Variants in NXN observed in about 807,000 individuals in gnomAD.
NXN encodes the protein nucleoredoxin 1.
A neutral mutation model predicts 48.6 loss-of-function variants in NXN; 16 were observed. The ratio of observed to expected loss-of-function variants is 0.33; its 90% CI spans 0.22 to 0.50. The LOEUF (loss-of-function observed/expected upper bound fraction) is 0.50. NXN is among the 20% of genes least tolerant of loss of function. The pLI, the probability that NXN is intolerant of heterozygous loss-of-function variation, is 0.98. For missense variants in NXN, 492 were observed against 605.5 expected (o/e 0.81, Z 1.97); for synonymous variants, 281 against 269.6 (o/e 1.04, Z -0.41).
At chr17:896,024 C>T (rs1263473815) in intron 1 of NXN, among the ~76,000 whole-genome samples, 1 of 151,794 alleles carries the variant, frequency 6.6e-6, no homozygotes, top group African/African-American at 2.4e-5. Context: ...GCCTGGGCAA[C>T]AGAGCAAGAC....
chr17:812,880 G>A (rs4968117), intron 5 of NXN, among the ~76,000 whole-genome samples: 29,372 of 146,604 alleles, frequency 0.2, 3,045 homozygotes, highest in East Asian at 0.31. Flanking sequence ...GGGTGTGTGC[G>A]CACATGTGAA....
At chr17:960,712 G>T (rs1268550355) in intron 1 of NXN, among the ~76,000 whole-genome samples, 1 of 151,712 alleles carries the variant, frequency 6.6e-6, no homozygotes, top group African/African-American at 2.4e-5. Context: ...TCCTGGGCTC[G>T]AGTGATCCTC....
intron 1 of NXN, among the ~76,000 whole-genome samples, chr17:962,022 CTA>C (rs60861205): frequency 0.026 from 3,999 of 152,186 alleles, 242 homozygotes; most frequent in East Asian, 0.26. Context: ...GTAATCCCAG[CTA>C]CTCAGGAGGC....
In NXN at chr17:817,377, G is replaced by A. The variant is rs1191588895; in HGVS notation, c.820+2062C>T. On this transcript the variant is annotated intron_variant, in intron 5 of 7. Coordinates refer to ENST00000336868, the MANE Select transcript of NXN (RefSeq NM_022463.5). Reference sequence around the variant, plus strand: ...TAAATGGTGAAGAAAAAAGGTCAAAGAGCCTAATGAGGCCAGACGTGGTGG... The same window carrying A: ...TAAATGGTGAAGAAAAAAGGTCAAAAAGCCTAATGAGGCCAGACGTGGTGG... 2.0e-5 allele frequency among the ~76,000 whole-genome samples: 3 copies of A among 152,112 alleles called. No homozygotes were observed. In the East Asian group the frequency reaches 5.8e-4, roughly 29 times the overall value.
chr17:964,969 G>A (rs940605718), intron 1 of NXN, among the ~76,000 whole-genome samples: 4 of 152,184 alleles, frequency 2.6e-5, no homozygotes, highest in Admixed American at 2.0e-4. Context: ...GAGAGGAGGC[G>A]GGGAGAGGGG....
rs113403457 is a variant in NXN, at chr17:850,974, G to A, written c.361-24896C>T. Reference sequence around the variant, plus strand: ...AGAAACGTCCCAGTGAATCAGACCCGGACGATGCCACTACTCACTTGCTTA... The same window carrying A: ...AGAAACGTCCCAGTGAATCAGACCCAGACGATGCCACTACTCACTTGCTTA... On this transcript the variant is annotated intron_variant, in intron 1 of 7. Transcript: ENST00000336868. Among the ~76,000 whole-genome samples the A allele has an allele frequency of 6.7e-3, 1,025 of 152,254 alleles. 13 individuals are homozygous for A. Among genetic ancestry groups the A allele is most frequent in the African/African-American group, 0.023 (941 of 41,532 alleles).
intron 5 of NXN, among the ~76,000 whole-genome samples, chr17:818,734 A>T (rs1912631211): frequency 6.6e-6 from 1 of 151,684 alleles, no homozygotes; most frequent in Non-Finnish European, 1.5e-5. Context: ...AAATACAAAA[A>T]ATTTAGCCGG....
intron 1 of NXN, among the ~76,000 whole-genome samples, chr17:893,479 C>A (rs1193413150): frequency 6.6e-6 from 1 of 152,222 alleles, no homozygotes; most frequent in Non-Finnish European, 1.5e-5. Context: ...AGTAGCGTGA[C>A]ATAAGAAATG....
chr17:842,444 G>C (rs112706019), intron 1 of NXN: 3 of 895,890 alleles, frequency 3.3e-6, no homozygotes, highest in Non-Finnish European at 4.0e-6. Context: ...CTGCAGTTCC[G>C]TGATCCCGGC....
intron 1 of NXN, among the ~76,000 whole-genome samples, chr17:916,667 G>A (rs11247563): frequency 0.64 from 97,979 of 151,940 alleles, 33,292 homozygotes; most frequent in East Asian, 0.87. Flanking sequence ...GGCCGGGCAC[G>A]GTGGCTCACG....
intron 1 of NXN, among the ~76,000 whole-genome samples, chr17:939,344 CTTTTTT>C (rs34838555): frequency 1.6e-5 from 2 of 127,960 alleles, no homozygotes; most frequent in South Asian, 5.1e-4. Flanking sequence ...TAGAAATCAG[CTTTTTT>C]TTTTTTTTTT....
Position 852,862 on chromosome 17 carries a change from T to C in NXN, c.361-26784A>G, listed in dbSNP as rs112692987. ...GCAGCATTTCCTCAGGACCACTGTT[T>C]CCCCAGGATGCCTATTTCCCCAGGA... On this transcript the variant is annotated intron_variant, in intron 1 of 7. Transcript: ENST00000336868. 9.1e-3 allele frequency among the ~76,000 whole-genome samples: 1,383 copies of C among 152,248 alleles called. 14 individuals are homozygous for C. The highest frequency in any genetic ancestry group is 0.032 in the African/African-American group (1,319 of 41,546).
At position 904,869 on chromosome 17, in the gene NXN, GGAA is replaced by G. The variant is rs2068569109; in HGVS notation, c.360+74447_360+74449del. On this transcript the variant is annotated intron_variant, in intron 1 of 7. Transcript: ENST00000336868. ...CTTGGCAGTATTTTTTACAGGTAAG[GGAA>G]GAATACACATCTTTACTCCTCACCC... 2.0e-5 allele frequency among the ~76,000 whole-genome samples: 3 copies of G among 152,202 alleles called. No homozygotes were observed. The South Asian group carries it at 6.2e-4, about 32-fold the overall frequency.
At chr17:910,280 C>T (rs531848453) in intron 1 of NXN, among the ~76,000 whole-genome samples, 1 of 152,134 alleles carries the variant, frequency 6.6e-6, no homozygotes, top group East Asian at 1.9e-4. Flanking sequence ...GGCGTGGTGG[C>T]GGGCACTTGT....
intron 7 of NXN, among the ~76,000 whole-genome samples, chr17:802,667 A>C (rs1011941655): frequency 6.6e-6 from 1 of 152,182 alleles, no homozygotes; most frequent in African/African-American, 2.4e-5. Context: ...TGCCACCCCG[A>C]GGCAGGGCCT....
intron 1 of NXN, among the ~76,000 whole-genome samples, chr17:842,978 AAGAGAGAAAGAG>A (rs1567828903): frequency 4.9e-4 from 54 of 111,294 alleles, no homozygotes; most frequent in African/African-American, 1.4e-3. Context: ...GAAAGAGAGA[AAGAGAGAAAGAG>A]AGAAAGAGAG....
In NXN at chr17:805,291, T is replaced by C. The variant is rs2295478; in HGVS notation, c.821-44A>G. 316,144 of 1,559,872 alleles carry C rather than the reference T, an allele frequency of 0.2. 35,295 individuals are homozygous for C. Among genetic ancestry groups the C allele is most frequent in the East Asian group, 0.45 (19,613 of 43,278 alleles). ...GCTTGGCCGCTGGCCCGGGAGATGC[T>C]GGCCCTGCCTGGCAGGAGGCTCGCG... is the stretch of plus-strand genomic sequence containing the variant. On this transcript the variant is annotated intron_variant, in intron 5 of 7. Transcript: ENST00000336868.
At chr17:857,258 TTTTC>T (rs1004163381) in intron 1 of NXN, among the ~76,000 whole-genome samples, 6 of 152,090 alleles carry the variant, frequency 3.9e-5, no homozygotes, top group Admixed American at 2.6e-4. Flanking sequence ...ACCTTTTCTT[TTTTC>T]TTTCTTTTTT....
intron 1 of NXN, among the ~76,000 whole-genome samples, chr17:948,451 C>T (rs942396895): frequency 6.6e-6 from 1 of 152,082 alleles, no homozygotes. Flanking sequence ...TTTGGCATCA[C>T]GGGATCTGGG....
Sources: allele counts gnomAD v4.1 joint callset (sites outside exome capture counted in the v4.1 genomes callset), GRCh38; gene constraint gnomAD v4.1.1; transcripts MANE v1.5; gene names NCBI Gene and HGNC (gene_info 2026-07-23, HGNC 2026-07-21).